Variants in ZNF765 observed in about 807,000 individuals in gnomAD.
ZNF765 encodes the protein zinc finger protein 765.
A neutral mutation model predicts 44.7 loss-of-function variants in ZNF765; 37 were observed. The ratio of observed to expected loss-of-function variants is 0.83; its 90% CI spans 0.64 to 1.09. The LOEUF is 1.09. Among genes scored for constraint, ZNF765 ranks in the 50% least tolerant of loss-of-function variants. The probability of loss-of-function intolerance (pLI) is 0.00; values close to 1 mark genes in which losing one functional copy is unlikely to be tolerated. For missense variants in ZNF765, 594 were observed against 626.1 expected (o/e 0.95, Z 0.55); for synonymous variants, 201 against 213.7 (o/e 0.94, Z 0.52).
At chr19:53,400,783 T>TAC (rs1555831214) in intron 2 of ZNF765, among the ~76,000 whole-genome samples, 8 of 126,774 alleles carry the variant, frequency 6.3e-5, no homozygotes, top group African/African-American at 1.2e-4. Flanking sequence ...TATATATATA[T>TAC]ACACACATAC....
At position 53,409,960 on chromosome 19, in the gene ZNF765, T is replaced by C. The variant is rs550991881; in HGVS notation, c.*833T>C. On this transcript the variant is annotated 3_prime_UTR_variant, in exon 4 of 4. Coordinates refer to ENST00000396408, the MANE Select transcript of ZNF765 (RefSeq NM_001040185.3). ...AAGTCTTGAGTAATGCTACAACTAT[T>C]GCAAATCATTGGAGAATCCATAATG... The C allele has an allele frequency of 1.0e-4, 57 of 565,088 alleles. No homozygotes were observed. Among genetic ancestry groups the C allele is most frequent in the Admixed American group, 3.1e-4 (14 of 45,550 alleles). The allele number at this position is 565,088 out of a possible 1,614,324, so 35.0% of individuals were successfully genotyped here. A position where few individuals can be genotyped will look rare whatever the true frequency, so the allele number is the denominator to read the frequency against.
chr19:53,413,220 C>T (rs1600062941), downstream of ZNF765: 2 of 589,910 alleles, frequency 3.4e-6, no homozygotes, highest in Middle Eastern at 4.8e-4. Flanking sequence ...CAGGATTAAG[C>T]GATTCCTGGC....
In ZNF765 at chr19:53,401,893, A is replaced by T. The variant is rs775991312; in HGVS notation, c.16-172A>T. ...TCCACCTTTAAAAAAAAAAAAAAGA[A>T]CTTTAGTAAACACAACTGGGAAGAC... is the stretch of plus-strand genomic sequence containing the variant. On this transcript the variant is annotated intron_variant, in intron 2 of 3. Coordinates refer to ENST00000396408, the MANE Select transcript of ZNF765 (RefSeq NM_001040185.3). The T allele has an allele frequency of 3.3e-6, 5 of 1,535,706 alleles. No homozygotes were observed. The Admixed American group carries it at 8.7e-5, about 27-fold the overall frequency.
downstream of ZNF765, chr19:53,412,099 A>G (rs2085838982): frequency 7.3e-6 from 2 of 275,438 alleles, no homozygotes; most frequent in African/African-American, 4.6e-5. Context: ...GCACTCTTGC[A>G]TCATGTGAGA....
rs371429761 is a variant in ZNF765, at chr19:53,408,532, C to G, written c.977C>G (p.Pro326Arg). 2 of 1,612,090 alleles carry G rather than the reference C, an allele frequency of 1.2e-6. No individual in the cohort carries two copies. The highest frequency in any genetic ancestry group is 1.7e-6 in the Non-Finnish European group (2 of 1,179,040). ...AGGAGAATTCATACTGGAGAGAAACCGTACAAGTGTAATGAGTGTGGCAAG... is the reference window on the plus strand; with the variant it reads ...AGGAGAATTCATACTGGAGAGAAACGGTACAAGTGTAATGAGTGTGGCAAG... ...IHRRIHTGEK[P>R]YKCNECGKTF... is the part of the protein sequence containing the mutation. Residue 326 changes from proline to arginine, a missense_variant, in exon 4 of 4, where the codon CCG becomes CGG. By Grantham distance (103) the Pro-to-Arg change is moderately radical. Coordinates refer to ENST00000396408, the MANE Select transcript of ZNF765 (RefSeq NM_001040185.3).
At chr19:53,404,299 C>T (rs1426202448) in intron 3 of ZNF765, among the ~76,000 whole-genome samples, 2 of 152,064 alleles carry the variant, frequency 1.3e-5, no homozygotes, top group East Asian at 3.9e-4. Context: ...TGGTCTCGAA[C>T]CCCTGCCCTA....
chr19:53,399,192 A>C (rs2085698590), intron 2 of ZNF765, among the ~76,000 whole-genome samples: 1 of 150,364 alleles, frequency 6.7e-6, no homozygotes, highest in South Asian at 2.1e-4. Flanking sequence ...CCATTAACTC[A>C]TCATTTAGCA....
At chr19:53,421,472 G>C (rs180720776) in intron 3 of ZNF765, among the ~76,000 whole-genome samples, 19 of 152,148 alleles carry the variant, frequency 1.2e-4, no homozygotes, top group Non-Finnish European at 2.5e-4. Context: ...AGGTGTAGAG[G>C]GGCTGGCCCC....
At chr19:53,421,577 C>T (rs946784844) in intron 3 of ZNF765, among the ~76,000 whole-genome samples, 11 of 152,110 alleles carry the variant, frequency 7.2e-5, no homozygotes, top group African/African-American at 2.2e-4. Context: ...TGCAGTGGCA[C>T]GATCCCGGTT....
chr19:53,398,756 T>TTA (rs1476514936), intron 2 of ZNF765, among the ~76,000 whole-genome samples: 6 of 152,158 alleles, frequency 3.9e-5, no homozygotes, highest in Non-Finnish European at 8.8e-5. Context: ...GATAATATTA[T>TTA]TATATTTCAC....
chr19:53,409,427 G>T lies in ZNF765; in HGVS notation c.*300G>T, dbSNP rs1420424664. 21 of 842,634 alleles carry T rather than the reference G, an allele frequency of 2.5e-5. No individual in the cohort carries two copies. The Admixed American group carries it at 3.3e-4, about 13-fold the overall frequency. The allele number at this position is 842,634 out of a possible 1,614,324, so 52.2% of individuals were successfully genotyped here. A position where few individuals can be genotyped will look rare whatever the true frequency, so the allele number is the denominator to read the frequency against. ...AAATCCAACCTTGAAAGACATAGGA[G>T]AATTCACACTGGTGAGAAACCTTAC... On this transcript the variant is annotated 3_prime_UTR_variant, in exon 4 of 4. Coordinates refer to ENST00000396408, the MANE Select transcript of ZNF765 (RefSeq NM_001040185.3).
Position 53,408,626 on chromosome 19 carries a change from T to C in ZNF765, c.1071T>C (p.Cys357=). The change falls in exon 4 of 4, where the codon TGT becomes TGC. Residue 357 remains cysteine, a synonymous_variant. Transcript: ENST00000396408. ...ATACTGGAGAGAAACCTTACAAGTG[T>C]AATGAGTGTGGCAAGACCTTTAGTC... ...RLHTGEKPYK[C]NECGKTFSRK... is the part of the protein sequence containing the mutation. 9 of 1,614,014 alleles carry C rather than the reference T, an allele frequency of 5.6e-6. No homozygotes were observed. The highest frequency in any genetic ancestry group is 7.6e-6 in the Non-Finnish European group (9 of 1,179,990).
At chr19:53,417,594 G>T (rs1341339936) in intron 3 of ZNF765, among the ~76,000 whole-genome samples, 1 of 152,200 alleles carries the variant, frequency 6.6e-6, no homozygotes, top group African/African-American at 2.4e-5. Flanking sequence ...ACATACACGT[G>T]CATGCGTCTT....
chr19:53,418,251 A>G (rs986778488), intron 3 of ZNF765, among the ~76,000 whole-genome samples: 1 of 152,174 alleles, frequency 6.6e-6, no homozygotes, highest in African/African-American at 2.4e-5. Flanking sequence ...AATAGAAAAA[A>G]TTAGCCGGGC....
At chr19:53,405,927 A>ATATG (rs2085769846) in intron 3 of ZNF765, among the ~76,000 whole-genome samples, 1 of 77,206 alleles carries the variant, frequency 1.3e-5, no homozygotes, top group Admixed American at 1.2e-4. Context: ...ATATATATAT[A>ATATG]TATATATATA....
intron 1 of ZNF765, among the ~76,000 whole-genome samples, chr19:53,396,000 A>G (rs1261720044): frequency 0.029 from 1,034 of 35,354 alleles, 11 homozygotes; most frequent in African/African-American, 0.061. Context: ...ATGTGGGGGA[A>G]AAAAAAAAAA....
chr19:53,408,655 A>G lies in ZNF765; in HGVS notation c.1100A>G (p.Lys367Arg). The change falls in exon 4 of 4, where the codon AAG becomes AGG. Residue 367 changes from lysine to arginine, a missense_variant. Physicochemically the swap from Lys to Arg is conservative, Grantham distance 26 (BLOSUM62 2). Transcript: ENST00000396408. ...CNECGKTFSR[K>R]SHFTCHHRVH... ...GAGTGTGGCAAGACCTTTAGTCGGA[A>G]GTCACATTTTACATGCCATCATAGA... 1 of 1,613,676 alleles carries G rather than the reference A, an allele frequency of 6.2e-7. No homozygotes were observed.
In ZNF765 at chr19:53,408,112, C is replaced by G; in HGVS notation, c.557C>G (p.Thr186Ser). Residue 186 changes from threonine (T) to serine (S), a missense_variant, in exon 4 of 4, where the codon ACC (threonine) becomes AGC (serine). Transcript: ENST00000396408. ...CAAAGAATTTCTTGTAGGCCTGAAACCCATATTTCTAATGACTATGGGAAT... is the reference window on the plus strand; with the variant it reads ...CAAAGAATTTCTTGTAGGCCTGAAAGCCATATTTCTAATGACTATGGGAAT... ...TAQRISCRPETHISNDYGNNF... is the reference protein window; with the variant it reads ...TAQRISCRPESHISNDYGNNF... 1.9e-6 allele frequency: 3 copies of G among 1,614,090 alleles called. No homozygotes were observed. The highest frequency in any genetic ancestry group is 2.5e-6 in the Non-Finnish European group (3 of 1,179,958).
chr19:53,401,221 C>T (rs1214071031), intron 2 of ZNF765, among the ~76,000 whole-genome samples: 2 of 152,154 alleles, frequency 1.3e-5, no homozygotes, highest in Non-Finnish European at 2.9e-5. Flanking sequence ...CTGAAGACAT[C>T]ATTCATACTC....
Sources: gnomAD v4.1 joint callset for allele counts (sites outside exome capture counted in the v4.1 genomes callset) on GRCh38, gnomAD v4.1.1 for gene constraint, MANE v1.5 for transcripts, NCBI Gene and HGNC (gene_info 2026-07-23, HGNC 2026-07-21) for gene names.